The following SULT2B1 variants were observed in gnomAD, a reference collection of about 807,000 sequenced individuals.
The protein encoded by SULT2B1 is sulfotransferase family 2B member 1, also known as sulfotransferase 2B1.
In SULT2B1, 16 loss-of-function variants were observed where a neutral mutation model predicts 33.2. The observed-to-expected ratio is 0.48, with a 90% CI of 0.33 to 0.73. The LOEUF (loss-of-function observed/expected upper bound fraction) is 0.73. SULT2B1 is among the 30% of genes least tolerant of loss of function. The probability of loss-of-function intolerance (pLI) is 0.02; values close to 1 mark genes in which losing one functional copy is unlikely to be tolerated. For missense variants in SULT2B1, 500 were observed against 506.0 expected, an observed-to-expected ratio of 0.99 and a Z score of 0.11; for synonymous variants, 186 against 200.5, an observed-to-expected ratio of 0.93 and a Z score of 0.61.
chr19:48,553,777 G>A (rs1243456963), intron 1 of SULT2B1, among the ~76,000 whole-genome samples: 1 of 152,166 alleles, frequency 6.6e-6, no homozygotes. Flanking sequence ...GGGCCTCCTG[G>A]GCTGAGAGCT....
Position 48,591,701 on chromosome 19 carries a change from C to T in SULT2B1, c.516C>T (p.Pro172=), listed in dbSNP as rs763705006. ...GGCAGTTAAAGGACCCGGGCACACC[C>T]GACCAGTTCCTGAGGGACTTCCTCA... ...IAGQLKDPGT[P]DQFLRDFLKG... The change falls in exon 4 of 7, where the codon CCC becomes CCT. Residue 172 remains proline (P), a synonymous_variant. Coordinates refer to ENST00000201586, the MANE Select transcript of SULT2B1 (RefSeq NM_177973.2). 37 of 1,610,336 alleles carry T rather than the reference C, an allele frequency of 2.3e-5. No homozygotes were observed. Among genetic ancestry groups the T allele is most frequent in the South Asian group, 2.2e-4 (20 of 90,552 alleles).
At chr19:48,592,658 G>T in intron 4 of SULT2B1, 64 bp from the exon 5 acceptor site, 1 of 1,395,826 alleles carries the variant, frequency 7.2e-7, no homozygotes, top group Non-Finnish European at 1.0e-6. Flanking sequence ...AGACCCATGA[G>T]CCCCAGTGGG....
intron 1 of SULT2B1, among the ~76,000 whole-genome samples, chr19:48,560,713 C>T (rs973002195): frequency 6.6e-6 from 1 of 152,126 alleles, no homozygotes; most frequent in Non-Finnish European, 1.5e-5. Flanking sequence ...ATAATCCCAG[C>T]ACTTTGGGAA....
chr19:48,576,359 C>CTTTTCTTTTTTTTTTTT lies in SULT2B1; in HGVS notation c.214+280_214+281insCTTTTTTTTTTTTTTTT. 7.9e-3 allele frequency among the ~76,000 whole-genome samples: 764 copies of CTTTTCTTTTTTTTTTTT among 96,538 alleles called. 18 individuals carry two copies. Among genetic ancestry groups the CTTTTCTTTTTTTTTTTT allele is most frequent in the East Asian group, 0.017 (58 of 3,424 alleles). The allele number at this position is 96,538 out of a possible 152,430, so 63.3% of individuals were successfully genotyped here. On this transcript the variant is annotated intron_variant, in intron 2 of 6. Coordinates refer to ENST00000201586, the MANE Select transcript of SULT2B1 (RefSeq NM_177973.2). ...CCTTTCCCCTTTACCCTCTACTTCTCTTTTTTTTTTTTTTTTTTGTAGAGA... is the reference window on the plus strand; with the variant it reads ...CCTTTCCCCTTTACCCTCTACTTCTCTTTTCTTTTTTTTTTTTTTTTTTTTTTTTTTTTTTGTAGAGA...
At chr19:48,564,604 C>T (rs1190255684) in intron 1 of SULT2B1, among the ~76,000 whole-genome samples, 1 of 135,578 alleles carries the variant, frequency 7.4e-6, no homozygotes, top group African/African-American at 2.7e-5. Flanking sequence ...CTTACAAGAA[C>T]AATGGAAAGA....
intron 1 of SULT2B1, among the ~76,000 whole-genome samples, chr19:48,573,223 G>T (rs543199284): frequency 3.6e-4 from 54 of 151,938 alleles, no homozygotes; most frequent in African/African-American, 1.1e-3. Flanking sequence ...CCTCCAGGAG[G>T]CTGAGTCATT....
intron 1 of SULT2B1, among the ~76,000 whole-genome samples, chr19:48,568,633 C>CAG (rs1973275353): frequency 6.6e-6 from 1 of 152,142 alleles, no homozygotes; most frequent in Admixed American, 6.6e-5. Flanking sequence ...CAGGGCAGGG[C>CAG]GCCGGGACAC....
intron 2 of SULT2B1, 126 bp downstream of exon 2, chr19:48,576,209 C>A: frequency 1.2e-6 from 1 of 822,788 alleles, no homozygotes; most frequent in Non-Finnish European, 1.9e-6. Flanking sequence ...CAGAGCGGTG[C>A]CCCTGCCAGA....
chr19:48,558,772 C>G (rs1973138168), intron 1 of SULT2B1, among the ~76,000 whole-genome samples: 1 of 150,576 alleles, frequency 6.6e-6, no homozygotes, highest in Non-Finnish European at 1.5e-5. Flanking sequence ...GCAACAGCCG[C>G]CTCCGGGGTT....
chr19:48,599,009 G>C lies in SULT2B1; in HGVS notation c.827-126G>C. On this transcript the variant is annotated intron_variant, in intron 6 of 6. Coordinates refer to ENST00000201586, the MANE Select transcript of SULT2B1 (RefSeq NM_177973.2). The surrounding 1 kb of genome is among the most constrained non-coding windows in gnomAD (Gnocchi z 4.1). Reference sequence around the variant, plus strand: ...GGGCAATGTGGAGGGTAGGGAGGACGGTGTTTCTGGCAAAGGGAACACCTC... The same window carrying C: ...GGGCAATGTGGAGGGTAGGGAGGACCGTGTTTCTGGCAAAGGGAACACCTC... 6.9e-7 allele frequency: 1 copy of C among 1,452,316 alleles called. No homozygotes were observed. The highest frequency in any genetic ancestry group is 9.1e-7 in the Non-Finnish European group (1 of 1,099,862). 90.0% of individuals were successfully genotyped at this position (1,452,316 alleles called of 1,614,324 possible).
At chr19:48,595,776 C>T (rs1380179059) in intron 5 of SULT2B1, 1 of 151,324 alleles carries the variant, frequency 6.6e-6, no homozygotes, top group Non-Finnish European at 1.5e-5. Flanking sequence ...AAACGATTCT[C>T]CTGCCTCAGT....
chr19:48,589,074 G>A (rs1973607352), intron 3 of SULT2B1, among the ~76,000 whole-genome samples: 1 of 152,250 alleles, frequency 6.6e-6, no homozygotes, highest in African/African-American at 2.4e-5. Context: ...CCCTCTGGCG[G>A]TCAGATGGGG....
At chr19:48,576,462 G>T (rs1215847862) in intron 2 of SULT2B1, among the ~76,000 whole-genome samples, 3 of 142,886 alleles carry the variant, frequency 2.1e-5, no homozygotes, top group Non-Finnish European at 4.5e-5. Flanking sequence ...CTCCCAAAGT[G>T]CTGGGATTAC....
chr19:48,580,180 C>T (rs1042977434), intron 2 of SULT2B1, among the ~76,000 whole-genome samples: 3 of 151,492 alleles, frequency 2.0e-5, no homozygotes, highest in African/African-American at 7.3e-5. Context: ...AATTCTCCCT[C>T]CTTGGCCTCC....
chr19:48,572,723 G>C (rs1318779659), intron 1 of SULT2B1, among the ~76,000 whole-genome samples: 1 of 152,008 alleles, frequency 6.6e-6, no homozygotes, highest in Non-Finnish European at 1.5e-5. Context: ...CAGCGGAGAA[G>C]ACCTGGAGGA....
chr19:48,579,831 T>C (rs1480457853), intron 2 of SULT2B1, among the ~76,000 whole-genome samples: 1 of 151,744 alleles, frequency 6.6e-6, no homozygotes, highest in Non-Finnish European at 1.5e-5. Flanking sequence ...GGTCTCGAAC[T>C]CCTGACCTCA....
intron 3 of SULT2B1, among the ~76,000 whole-genome samples, chr19:48,589,664 G>GA (rs1222299841): frequency 6.6e-6 from 1 of 152,114 alleles, no homozygotes; most frequent in Non-Finnish European, 1.5e-5. Flanking sequence ...AAGCAAACGT[G>GA]AAAATCAGGC....
At chr19:48,572,181 G>C (rs934812982) in intron 1 of SULT2B1, among the ~76,000 whole-genome samples, 2 of 152,242 alleles carry the variant, frequency 1.3e-5, no homozygotes, top group African/African-American at 4.8e-5. Flanking sequence ...CCCATCTCCT[G>C]GGGCAAGGAG....
intron 2 of SULT2B1, among the ~76,000 whole-genome samples, chr19:48,579,449 A>T (rs1394960625): frequency 6.6e-6 from 1 of 150,686 alleles, no homozygotes; most frequent in Non-Finnish European, 1.5e-5. Context: ...TACCCAGCTA[A>T]TTTTTTGTAT....
Sources: gnomAD v4.1 joint callset for allele counts (sites outside exome capture counted in the v4.1 genomes callset) on GRCh38, gnomAD v4.1.1 for gene constraint, Gnocchi (gnomAD v3.1) non-coding constraint, MANE v1.5 for transcripts, NCBI Gene and HGNC (gene_info 2026-07-23, HGNC 2026-07-21) for gene names.